Variants in RAD18 observed in about 807,000 individuals in gnomAD.
RAD18 encodes the protein E3 ubiquitin-protein ligase RAD18.
Under a neutral mutation model 60.4 loss-of-function variants are expected in RAD18, and 47 were observed. The ratio of observed to expected loss-of-function variants is 0.78; its 90% CI spans 0.62 to 0.99. The LOEUF is 0.99. RAD18 is among the 50% of genes least tolerant of loss of function. The pLI is 0.00. For missense variants in RAD18, 640 were observed against 593.3 expected, an observed-to-expected ratio of 1.08 and a Z score of -0.82; for synonymous variants, 225 against 195.5, an observed-to-expected ratio of 1.15 and a Z score of -1.26.
At chr3:8,912,204 CA>C in intron 9 of RAD18, 107 bp downstream of exon 9, 1 of 898,540 alleles carries the variant, frequency 1.1e-6, no homozygotes, top group Non-Finnish European at 1.7e-6. Flanking sequence ...GTAATGTTAA[CA>C]AAAGTTTGAA....
rs1374354139 is a variant in RAD18, at chr3:8,941,532, G to A, written c.539C>T (p.Pro180Leu). 1 of 1,614,078 alleles carries A rather than the reference G, an allele frequency of 6.2e-7. No homozygotes were observed. Among genetic ancestry groups the A allele is most frequent in the South Asian group, 1.1e-5 (1 of 91,082 alleles). ...AGGACGCTTAGCCTCTGAGGGATCT[G>A]GAGCGATCTCTTCTACAGAACGTGT... ...KETRSVEEIA[P>L]DPSEAKRPEP... Residue 180 changes from proline to leucine, a missense_variant, in exon 5 of 13, where the codon CCA becomes CTA. Pro to Leu is a moderately conservative substitution (Grantham distance 98). Coordinates refer to ENST00000264926, the MANE Select transcript of RAD18 (RefSeq NM_020165.4).
chr3:8,919,634 G>A (rs563476943), intron 7 of RAD18, among the ~76,000 whole-genome samples: 3 of 152,190 alleles, frequency 2.0e-5, no homozygotes, highest in Non-Finnish European at 4.4e-5. Flanking sequence ...GCACATATAT[G>A]CATATATTTC....
At chr3:8,963,227 C>T (rs1009705998) in intron 1 of RAD18, 108 bp downstream of exon 1, 46 of 1,262,078 alleles carry the variant, frequency 3.6e-5, no homozygotes, top group Non-Finnish European at 4.9e-5. Context: ...GGGCCCAGTG[C>T]GACGCTCGCG....
At chr3:8,917,118 C>T (rs369884046) in intron 7 of RAD18, among the ~76,000 whole-genome samples, 5 of 152,096 alleles carry the variant, frequency 3.3e-5, no homozygotes, top group African/African-American at 1.2e-4. Context: ...AATTACATTA[C>T]ACTTCTCATC....
intron 2 of RAD18, among the ~76,000 whole-genome samples, chr3:8,951,573 G>A (rs1342095263): frequency 6.6e-6 from 1 of 152,202 alleles, no homozygotes; most frequent in Non-Finnish European, 1.5e-5. Context: ...GAAGGAATAT[G>A]TGAAACTGTA....
intron 11 of RAD18, among the ~76,000 whole-genome samples, chr3:8,891,075 A>AATATATATAT (rs71049753): frequency 7.5e-3 from 195 of 25,936 alleles, no homozygotes; most frequent in African/African-American, 0.013. Context: ...ATATATATAA[A>AATATATATAT]ATATATATAT....
chr3:8,954,823 A>G (rs1940981781), intron 2 of RAD18, among the ~76,000 whole-genome samples: 1 of 152,212 alleles, frequency 6.6e-6, no homozygotes, highest in Non-Finnish European at 1.5e-5. Context: ...CTTCCACTAC[A>G]GCCCTGGGGG....
intron 12 of RAD18, among the ~76,000 whole-genome samples, chr3:8,885,783 GT>G (rs1309544519): frequency 1.3e-5 from 2 of 152,204 alleles, no homozygotes; most frequent in Non-Finnish European, 2.9e-5. Flanking sequence ...ATGCATGCAT[GT>G]TTCACACAAC....
chr3:8,926,487 G>C (rs976393945), intron 7 of RAD18, among the ~76,000 whole-genome samples: 1 of 152,148 alleles, frequency 6.6e-6, no homozygotes, highest in Admixed American at 6.5e-5. Context: ...TACTGCCCAA[G>C]GTAATTTATA....
At chr3:8,959,773 G>A (rs1254391696) in intron 1 of RAD18, among the ~76,000 whole-genome samples, 1 of 151,644 alleles carries the variant, frequency 6.6e-6, no homozygotes, top group Non-Finnish European at 1.5e-5. Context: ...TTTTTAAAAG[G>A]AGGAAGCTCT....
At chr3:8,954,478 A>G (rs192630885) in intron 2 of RAD18, among the ~76,000 whole-genome samples, 1 of 152,236 alleles carries the variant, frequency 6.6e-6, no homozygotes, top group African/African-American at 2.4e-5. Context: ...TGGGCATATT[A>G]GTCTATTAGC....
intron 9 of RAD18, among the ~76,000 whole-genome samples, chr3:8,905,994 C>A (rs12634396): frequency 0.12 from 17,557 of 152,192 alleles, 1,132 homozygotes; most frequent in East Asian, 0.23. Context: ...TAATTAAAGG[C>A]TAACCTCTAA....
chr3:8,930,406 G>T (rs1008924979), intron 7 of RAD18, among the ~76,000 whole-genome samples: 4 of 152,152 alleles, frequency 2.6e-5, no homozygotes, highest in African/African-American at 9.7e-5. Flanking sequence ...GGGCTGGAAG[G>T]GTTGGTAGAT....
chr3:8,890,379 G>A lies in RAD18; in HGVS notation c.1385+10C>T. ...AAGTGCATGCTTATTTCATGATTAT[G>A]AGAACTCACTTATGTGATGCTTCCC... On this transcript the variant is annotated intron_variant, in intron 12 of 12. Coordinates refer to ENST00000264926, the MANE Select transcript of RAD18 (RefSeq NM_020165.4). 1.3e-6 allele frequency: 2 copies of A among 1,562,278 alleles called. No individual in the cohort carries two copies. Among genetic ancestry groups the A allele is most frequent in the South Asian group, 1.1e-5 (1 of 89,954 alleles).
At chr3:8,920,358 T>C (rs1288833773) in intron 7 of RAD18, among the ~76,000 whole-genome samples, 2 of 151,246 alleles carry the variant, frequency 1.3e-5, no homozygotes. Flanking sequence ...TCATGCCAAG[T>C]ATCAATTAGC....
rs1034951050 is a variant in RAD18, at chr3:8,881,214, G to A, written c.*143C>T. 1.0e-5 allele frequency: 7 copies of A among 694,814 alleles called. No individual in the cohort carries two copies. The highest frequency in any genetic ancestry group is 1.8e-5 in the African/African-American group (1 of 54,408). 43.0% of individuals were successfully genotyped at this position (694,814 alleles called of 1,614,324 possible). A position where few individuals can be genotyped will look rare whatever the true frequency, so the allele number is the denominator to read the frequency against. ...TGTAACATTTTTCCCCTCTGGAAAA[G>A]CAGAAAAGAATGAATATCAGCTAAC... is the stretch of plus-strand genomic sequence containing the variant. On this transcript the variant is annotated 3_prime_UTR_variant, in exon 13 of 13. Coordinates refer to ENST00000264926, the MANE Select transcript of RAD18 (RefSeq NM_020165.4).
chr3:8,931,428 G>A (rs1296090544), intron 7 of RAD18: 2 of 152,190 alleles, frequency 1.3e-5, no homozygotes, highest in Non-Finnish European at 2.9e-5. Flanking sequence ...TCATTTCTAA[G>A]CTGATCTATG....
At chr3:8,963,288 T>G (rs760105627) in intron 1 of RAD18, 47 bp downstream of exon 1, 50 of 1,552,506 alleles carry the variant, frequency 3.2e-5, no homozygotes, top group Non-Finnish European at 2.1e-5. Context: ...GGGAGGGACC[T>G]CCCCCCGCAG....
At chr3:8,962,011 T>A (rs945355864) in intron 1 of RAD18, among the ~76,000 whole-genome samples, 1 of 152,220 alleles carries the variant, frequency 6.6e-6, no homozygotes, top group African/African-American at 2.4e-5. Context: ...AATATATTCA[T>A]TGAATGCTTA....
Sources: allele counts gnomAD v4.1 joint callset (sites outside exome capture counted in the v4.1 genomes callset), GRCh38; gene constraint gnomAD v4.1.1; transcripts MANE v1.5; gene names NCBI Gene and HGNC (gene_info 2026-07-23, HGNC 2026-07-21).